The following BCKDHB variants were observed in gnomAD, a reference collection of about 807,000 sequenced individuals.
BCKDHB encodes the protein branched chain keto acid dehydrogenase E1 subunit beta, also known as 2-oxoisovalerate dehydrogenase subunit beta, mitochondrial.
In BCKDHB, 41 loss-of-function variants were observed where a neutral mutation model predicts 48.5. That is an observed-to-expected ratio of 0.85 (90% CI 0.66 to 1.10). The LOEUF (loss-of-function observed/expected upper bound fraction) is 1.10. Among genes scored for constraint, BCKDHB ranks in the 50% least tolerant of loss-of-function variants. The probability of loss-of-function intolerance (pLI) is 0.00; values close to 1 mark genes in which losing one functional copy is unlikely to be tolerated. For missense variants in BCKDHB, 496 were observed against 494.2 expected (o/e 1.00, Z -0.03); for synonymous variants, 201 against 174.8 (o/e 1.15, Z -1.18).
At chr6:80,428,999 T>C in the BCKDHB span, among the ~76,000 whole-genome samples, 4 of 152,334 alleles carry the variant, frequency 2.6e-5, no homozygotes, top group African/African-American at 9.6e-5. Context: ...ATTTTTATGG[T>C]TTTACATCTT....
the BCKDHB span, chr6:80,453,360 G>C: frequency 6.6e-5 from 10 of 152,140 alleles, no homozygotes; most frequent in Non-Finnish European, 1.2e-4. Flanking sequence ...ACTTCAAGGG[G>C]CAGGGAAAAA....
chr6:80,406,983 T>C, the BCKDHB span, among the ~76,000 whole-genome samples: 1 of 152,176 alleles, frequency 6.6e-6, no homozygotes, highest in Non-Finnish European at 1.5e-5. Flanking sequence ...GTTTTTATGG[T>C]TTTAGGTCTT....
At chr6:80,265,993 G>A (rs1454638268) in intron 8 of BCKDHB, among the ~76,000 whole-genome samples, 1 of 152,026 alleles carries the variant, frequency 6.6e-6, no homozygotes, top group Non-Finnish European at 1.5e-5. Flanking sequence ...ACTTCCAAAT[G>A]CCTCCTGCCA....
intron 7 of BCKDHB, among the ~76,000 whole-genome samples, chr6:80,202,019 A>T (rs540653299): frequency 6.6e-6 from 1 of 151,608 alleles, no homozygotes; most frequent in South Asian, 2.1e-4. Context: ...TATCCCATTG[A>T]TATTGTCCTT....
chr6:80,311,633 G>A (rs551798334), intron 9 of BCKDHB, among the ~76,000 whole-genome samples: 1 of 152,246 alleles, frequency 6.6e-6, no homozygotes, highest in African/African-American at 2.4e-5. Context: ...TCCAGCTTCA[G>A]TTTTCTGCAT....
the BCKDHB span, among the ~76,000 whole-genome samples, chr6:80,446,720 A>ATTTTT: frequency 1.8e-4 from 20 of 111,350 alleles, no homozygotes; most frequent in East Asian, 1.9e-3. Context: ...CTTCTGGACA[A>ATTTTT]TTTTTTTTTT....
At chr6:80,325,907 A>T (rs1311490298) in intron 9 of BCKDHB, among the ~76,000 whole-genome samples, 1 of 152,188 alleles carries the variant, frequency 6.6e-6, no homozygotes, top group African/African-American at 2.4e-5. Context: ...CAAAAGTCTG[A>T]GAAACTGTCG....
At chr6:80,406,629 TG>T in the BCKDHB span, among the ~76,000 whole-genome samples, 1 of 152,252 alleles carries the variant, frequency 6.6e-6, no homozygotes, top group African/African-American at 2.4e-5. Context: ...TTTTTTCATG[TG>T]TCTGTTGGCT....
intron 3 of BCKDHB, among the ~76,000 whole-genome samples, chr6:80,137,964 C>A (rs1000928802): frequency 6.6e-6 from 1 of 151,928 alleles, no homozygotes; most frequent in Non-Finnish European, 1.5e-5. Flanking sequence ...GGGTGGCACA[C>A]AGCTGTAGTC....
chr6:80,186,141 A>G (rs1281878313), intron 6 of BCKDHB, among the ~76,000 whole-genome samples: 2 of 152,096 alleles, frequency 1.3e-5, no homozygotes, highest in Non-Finnish European at 2.9e-5. Flanking sequence ...TCTTCAGGCA[A>G]TGGATGGGGC....
chr6:80,437,796 G>T, the BCKDHB span, among the ~76,000 whole-genome samples: 1 of 152,066 alleles, frequency 6.6e-6, no homozygotes, highest in Non-Finnish European at 1.5e-5. Context: ...AATATTTTGT[G>T]GTTCTTAATG....
At chr6:80,115,154 A>C (rs1001583387) in intron 1 of BCKDHB, among the ~76,000 whole-genome samples, 3 of 152,110 alleles carry the variant, frequency 2.0e-5, no homozygotes, top group Non-Finnish European at 2.9e-5. Context: ...TTTTTTTAAG[A>C]GAAGGGGTCT....
At chr6:80,374,404 G>T in the BCKDHB span, 2 of 788,812 alleles carry the variant, frequency 2.5e-6, no homozygotes, top group South Asian at 2.7e-5. Context: ...GGTACGCACC[G>T]TTTCTGTAAA....
chr6:80,222,413 G>T (rs1775498316), intron 8 of BCKDHB, among the ~76,000 whole-genome samples: 1 of 152,164 alleles, frequency 6.6e-6, no homozygotes, highest in Non-Finnish European at 1.5e-5. Flanking sequence ...TTACTAGAAA[G>T]ATACCTGCAT....
rs896693421 is a variant in BCKDHB, at chr6:80,156,581, A to T, written c.344-11097A>T. ...GCACACATATAATGCAGAATTCAAT[A>T]TGGCTGTGATACCAACCATATCTTT... On this transcript the variant is annotated intron_variant, in intron 3 of 9. Transcript: ENST00000320393. 7.2e-5 allele frequency among the ~76,000 whole-genome samples: 11 copies of T among 152,302 alleles called. No homozygotes were observed. The East Asian group carries it at 2.1e-3, about 29-fold the overall frequency.
chr6:80,322,243 T>C (rs994970999), intron 9 of BCKDHB, among the ~76,000 whole-genome samples: 65 of 108,142 alleles, frequency 6.0e-4, no homozygotes, highest in Non-Finnish European at 1.1e-3. Context: ...CTTTTCTTTT[T>C]TTTTTTTTTT....
At chr6:80,140,927 C>G (rs1288867494) in intron 3 of BCKDHB, among the ~76,000 whole-genome samples, 1 of 152,134 alleles carries the variant, frequency 6.6e-6, no homozygotes, top group Non-Finnish European at 1.5e-5. Context: ...GTGAATCCAT[C>G]TGGTCCTGGA....
the BCKDHB span, among the ~76,000 whole-genome samples, chr6:80,436,339 T>A: frequency 1.3e-5 from 2 of 151,902 alleles, no homozygotes; most frequent in East Asian, 3.9e-4. Context: ...TGCTTTTGTA[T>A]TTTTAGTAGA....
At chr6:80,355,378 C>G in the BCKDHB span, 6 of 100,658 alleles carry the variant, frequency 6.0e-5, no homozygotes, top group Non-Finnish European at 1.1e-4. Context: ...CCAGCCTGGG[C>G]AACAGATTGA....
Sources: allele counts gnomAD v4.1 joint callset (sites outside exome capture counted in the v4.1 genomes callset), GRCh38; gene constraint gnomAD v4.1.1; transcripts MANE v1.5; gene names NCBI Gene and HGNC (gene_info 2026-07-23, HGNC 2026-07-21).